SYNE2: variants seen among roughly 807,000 people sequenced by gnomAD.
The protein encoded by SYNE2 is nesprin-2.
A neutral mutation model predicts 856.3 loss-of-function variants in SYNE2; 431 were observed. The ratio of observed to expected loss-of-function variants is 0.50; its 90% CI spans 0.47 to 0.55. SYNE2 has a LOEUF of 0.55. Among genes scored for constraint, SYNE2 ranks in the 20% least tolerant of loss-of-function variants. The pLI is 0.00. For missense variants in SYNE2, 8,129 were observed against 8,023.2 expected, an observed-to-expected ratio of 1.01 and a Z score of -0.50; for synonymous variants, 2,923 against 2,872.3, an observed-to-expected ratio of 1.02 and a Z score of -0.56.
chr14:63,951,305 T>C (rs1189626985), intron 7 of SYNE2, among the ~76,000 whole-genome samples: 1 of 152,052 alleles, frequency 6.6e-6, no homozygotes, highest in Non-Finnish European at 1.5e-5. Context: ...GCCTTACTTT[T>C]CTTTTCTTTT....
At chr14:64,013,323 A>ATTTTTTTTTTTTTTT (rs57074861) in intron 32 of SYNE2, among the ~76,000 whole-genome samples, 1 of 136,280 alleles carries the variant, frequency 7.3e-6, no homozygotes. Context: ...TCCTCATTAA[A>ATTTTTTTTTTTTTTT]TTTTTTTTTT....
intron 1 of SYNE2, among the ~76,000 whole-genome samples, chr14:63,813,929 C>T (rs1380645350): frequency 1.3e-5 from 2 of 151,996 alleles, no homozygotes; most frequent in East Asian, 1.9e-4. Flanking sequence ...GTGGCACGTA[C>T]CTGTAGTAGT....
intron 74 of SYNE2, 37 bp downstream of exon 74, chr14:64,128,590 T>G: frequency 1.6e-6 from 2 of 1,286,034 alleles, no homozygotes; most frequent in Non-Finnish European, 2.3e-6. Context: ...GACTTAACTT[T>G]GAACCACAGA....
At chr14:64,172,166 A>T (rs962566162) in intron 94 of SYNE2, among the ~76,000 whole-genome samples, 1 of 152,164 alleles carries the variant, frequency 6.6e-6, no homozygotes, top group East Asian at 1.9e-4. Context: ...TTTTTTAAAG[A>T]TCACTCTGGC....
intron 83 of SYNE2, 83 bp downstream of exon 83, chr14:64,144,031 A>T: frequency 6.6e-7 from 1 of 1,515,138 alleles, no homozygotes; most frequent in Non-Finnish European, 9.2e-7. Flanking sequence ...ACGTTCAATT[A>T]GTTGACTGAT....
chr14:63,817,642 A>G (rs963105992), intron 1 of SYNE2, among the ~76,000 whole-genome samples: 2 of 152,212 alleles, frequency 1.3e-5, no homozygotes, highest in Admixed American at 6.5e-5. Flanking sequence ...TAACATATTA[A>G]CAAGACTAAA....
At chr14:63,971,126 T>C (rs2096470767) in intron 11 of SYNE2, among the ~76,000 whole-genome samples, 2 of 151,638 alleles carry the variant, frequency 1.3e-5, no homozygotes, top group African/African-American at 2.4e-5. Flanking sequence ...TTTGGTTTTT[T>C]TTTTTTTGAG....
At chr14:64,178,797 A>T (rs559508863) in intron 96 of SYNE2, among the ~76,000 whole-genome samples, 27 of 152,334 alleles carry the variant, frequency 1.8e-4, no homozygotes, top group African/African-American at 6.5e-4. Context: ...ATGGCTAGGC[A>T]TGGTGGCTCA....
At chr14:63,977,226 T>G (rs569455774) in intron 12 of SYNE2, among the ~76,000 whole-genome samples, 4 of 152,262 alleles carry the variant, frequency 2.6e-5, no homozygotes, top group Admixed American at 2.0e-4. Context: ...GAAAATTTTT[T>G]TTTTGAGACA....
intron 64 of SYNE2, among the ~76,000 whole-genome samples, chr14:64,104,896 T>C (rs2097761295): frequency 6.6e-6 from 1 of 152,234 alleles, no homozygotes; most frequent in East Asian, 1.9e-4. Context: ...TGATAGACTT[T>C]TTTGGGATGG....
intron 66 of SYNE2, among the ~76,000 whole-genome samples, chr14:64,118,530 T>C (rs997266113): frequency 2.2e-4 from 33 of 152,306 alleles, no homozygotes; most frequent in African/African-American, 7.7e-4. Context: ...GGAATTCTTT[T>C]TTAAATTCCT....
At chr14:64,141,573 A>C in intron 81 of SYNE2, 50 bp downstream of exon 81, 70 of 1,571,786 alleles carry the variant, frequency 4.5e-5, no homozygotes, top group Non-Finnish European at 5.8e-5. Flanking sequence ...TTGTTAGCTC[A>C]TAACTCTTTT....
In SYNE2 at chr14:64,046,766, T is replaced by C. The variant is rs373555199; in HGVS notation, c.7222-1234T>C. Among the ~76,000 whole-genome samples, 7 of 152,308 alleles carry C rather than the reference T, an allele frequency of 4.6e-5. No individual in the cohort carries two copies. In the East Asian group the frequency reaches 1.3e-3, roughly 29 times the overall value. On this transcript the variant is annotated intron_variant, in intron 45 of 115. Transcript: ENST00000555002. Reference sequence around the variant, plus strand: ...TCAACCCCTTGCTGGAGGGAGCACATGAGCAAGTGAGCATAGAATCTGGCA... The same window carrying C: ...TCAACCCCTTGCTGGAGGGAGCACACGAGCAAGTGAGCATAGAATCTGGCA...
chr14:64,143,648 C>G, intron 82 of SYNE2, 124 bp from the exon 83 acceptor site: 2 of 1,000,764 alleles, frequency 2.0e-6, no homozygotes, highest in Non-Finnish European at 3.1e-6. Context: ...TAGAACAGAA[C>G]TCCTGACAGG....
chr14:64,055,430 G>A lies in SYNE2; in HGVS notation c.9745-514G>A, dbSNP rs530309677. On this transcript the variant is annotated intron_variant, in intron 48 of 115. Transcript: ENST00000555002. ...GTCACCCAGGCTGGAGTGCAGTGGC[G>A]CGATCTCGGCTCACTGCAACCTCCG... Among the ~76,000 whole-genome samples the A allele has an allele frequency of 8.8e-5, 13 of 147,950 alleles. No individual in the cohort carries two copies. The East Asian group carries it at 2.0e-3, about 23-fold the overall frequency.
At chr14:64,083,494 A>G (rs543354166) in intron 57 of SYNE2, among the ~76,000 whole-genome samples, 5 of 152,084 alleles carry the variant, frequency 3.3e-5, no homozygotes, top group Non-Finnish European at 7.4e-5. Flanking sequence ...ATGTAAAAGC[A>G]TCTCTCAAAC....
At chr14:63,975,676 T>C (rs1348925144) in intron 11 of SYNE2, among the ~76,000 whole-genome samples, 6 of 152,172 alleles carry the variant, frequency 3.9e-5, no homozygotes, top group Non-Finnish European at 8.8e-5. Context: ...GATTATATGT[T>C]GTTTCTTTTT....
At chr14:64,147,729 G>A (rs371600822) in intron 84 of SYNE2, among the ~76,000 whole-genome samples, 18 of 152,236 alleles carry the variant, frequency 1.2e-4, no homozygotes, top group African/African-American at 4.1e-4. Context: ...ACCAACCACC[G>A]CTTTGCATGA....
intron 108 of SYNE2, among the ~76,000 whole-genome samples, chr14:64,217,727 C>T (rs2098673298): frequency 6.6e-6 from 1 of 152,018 alleles, no homozygotes; most frequent in Admixed American, 6.6e-5. Flanking sequence ...AGATGTATCA[C>T]CACAAATCTG....
Sources: allele counts gnomAD v4.1 joint callset (sites outside exome capture counted in the v4.1 genomes callset), GRCh38; gene constraint gnomAD v4.1.1; transcripts MANE v1.5; gene names NCBI Gene and HGNC (gene_info 2026-07-23, HGNC 2026-07-21).